The following KAT14 variants were observed in gnomAD, a reference collection of about 807,000 sequenced individuals.
The protein encoded by KAT14 is lysine acetyltransferase 14.
A neutral mutation model predicts 78.4 loss-of-function variants in KAT14; 66 were observed. The observed-to-expected ratio is 0.84, with a 90% CI of 0.69 to 1.03. KAT14 has a LOEUF of 1.03. Among genes scored for constraint, KAT14 ranks in the 50% least tolerant of loss-of-function variants. The pLI is 0.00. For missense variants in KAT14, 870 were observed against 972.5 expected (o/e 0.89, Z 1.40); for synonymous variants, 344 against 359.4 (o/e 0.96, Z 0.48).
At chr20:18,187,112 A>C (rs2039473571) in intron 10 of KAT14, among the ~76,000 whole-genome samples, 174 bp from the exon 11 acceptor site, 1 of 152,246 alleles carries the variant, frequency 6.6e-6, no homozygotes, top group Non-Finnish European at 1.5e-5. Flanking sequence ...TTTGATCAGC[A>C]GCAAAATGTC....
At chr20:18,180,687 GAA>G (rs2039215803) in intron 7 of KAT14, among the ~76,000 whole-genome samples, 1 of 152,190 alleles carries the variant, frequency 6.6e-6, no homozygotes, top group Admixed American at 6.5e-5. Flanking sequence ...GGCAGGAGGT[GAA>G]AGACACTTCT....
intron 7 of KAT14, among the ~76,000 whole-genome samples, chr20:18,173,428 T>A (rs900395697): frequency 6.6e-6 from 1 of 152,194 alleles, no homozygotes. Context: ...AGTTCTTGAT[T>A]TTTCACTTTG....
rs2039323211 is a variant in KAT14, at chr20:18,183,164, C to T, written c.1847C>T (p.Ser616Leu). 6.2e-7 allele frequency: 1 copy of T among 1,613,366 alleles called. No homozygotes were observed. Among genetic ancestry groups the T allele is most frequent in the African/African-American group, 1.3e-5 (1 of 75,006 alleles). Residue 616 changes from serine (S) to leucine (L), a missense_variant, in exon 9 of 11, where the codon TCA becomes TTA. Transcript: ENST00000688188. The stretch of plus-strand genomic sequence containing the variant: ...AAGCCACCCAAACTGCAGCTCCTGT[C>T]ACAGATTCGTTCCCACCTGCACAGG... ...ETKPPKLQLL[S>L]QIRSHLHRSD... is the part of the protein sequence containing the mutation.
intron 7 of KAT14, among the ~76,000 whole-genome samples, chr20:18,167,902 T>C (rs955361254): frequency 4.6e-5 from 7 of 152,136 alleles, no homozygotes; most frequent in Non-Finnish European, 7.4e-5. Context: ...AACAAAAAAG[T>C]ACATTTTCAT....
At chr20:18,152,637 A>G (rs2038090548) in intron 4 of KAT14, among the ~76,000 whole-genome samples, 1 of 152,238 alleles carries the variant, frequency 6.6e-6, no homozygotes, top group Non-Finnish European at 1.5e-5. Context: ...CTAGGAGGAC[A>G]AGACAGGAAA....
chr20:18,165,365 A>C (rs2038601472), intron 7 of KAT14, among the ~76,000 whole-genome samples: 1 of 152,104 alleles, frequency 6.6e-6, no homozygotes, highest in Non-Finnish European at 1.5e-5. Context: ...CATATGTTGA[A>C]GTCCCAACCC....
chr20:18,171,286 A>G (rs1394580953), intron 7 of KAT14, among the ~76,000 whole-genome samples: 1 of 152,232 alleles, frequency 6.6e-6, no homozygotes, highest in East Asian at 1.9e-4. Context: ...GAGCCTGAAG[A>G]TGTGACCGAT....
intron 7 of KAT14, among the ~76,000 whole-genome samples, chr20:18,168,003 T>G (rs1024356481): frequency 2.0e-5 from 3 of 152,214 alleles, no homozygotes; most frequent in African/African-American, 7.2e-5. Context: ...TCTTTCTAGA[T>G]TAATTTCTTG....
In KAT14 at chr20:18,142,280, G is replaced by T. The variant is rs1489958412; in HGVS notation, c.-381G>T. The stretch of plus-strand genomic sequence containing the variant: ...AAAAGAAAACATTCGTCTTTTGGGA[G>T]AACAGATTATTTTGACTGAGCAACT... On this transcript the variant is annotated 5_prime_UTR_variant, in exon 2 of 11. An upstream open reading frame in the 5' UTR gains an earlier in-frame stop. Coordinates refer to ENST00000688188, the MANE Select transcript of KAT14 (RefSeq NM_001392073.1). The T allele has an allele frequency of 5.2e-6, 8 of 1,537,058 alleles. No individual in the cohort carries two copies. The African/African-American group carries it at 9.6e-5, about 18-fold the overall frequency.
At chr20:18,138,251 TGTGC>T in intron 1 of KAT14, 200 bp downstream of exon 1, 1 of 1,236,844 alleles carries the variant, frequency 8.1e-7, no homozygotes, top group Admixed American at 4.3e-5. Context: ...CCGGCGGGCG[TGTGC>T]AGCCCGCAGA....
At chr20:18,156,332 A>T (rs566303690) in intron 4 of KAT14, among the ~76,000 whole-genome samples, 1 of 152,344 alleles carries the variant, frequency 6.6e-6, no homozygotes, top group South Asian at 2.1e-4. Context: ...ATTGTACCAT[A>T]TAAATGTACT....
In KAT14 at chr20:18,138,838, A is replaced by T. The variant is rs189316691; in HGVS notation, c.-454+787A>T. Among the ~76,000 whole-genome samples the T allele has an allele frequency of 1.6e-3, 242 of 152,292 alleles. 2 individuals are homozygous for T. Among genetic ancestry groups the T allele is most frequent in the Non-Finnish European group, 1.2e-3 (79 of 68,028 alleles). On this transcript the variant is annotated intron_variant, in intron 1 of 10. Transcript: ENST00000688188. ...GTGATTACTGTGTGGAAGCTACCTC[A>T]CTAAGCACCTTGGGAATACAAAGAT...
intron 7 of KAT14, among the ~76,000 whole-genome samples, chr20:18,180,122 G>A (rs567155376): frequency 9.2e-5 from 14 of 152,210 alleles, no homozygotes; most frequent in Admixed American, 2.6e-4. Flanking sequence ...GCCCACCTCC[G>A]TCTCCCATAG....
At chr20:18,141,200 AT>A (rs956656353) in intron 1 of KAT14, among the ~76,000 whole-genome samples, 11 of 151,796 alleles carry the variant, frequency 7.2e-5, no homozygotes, top group Admixed American at 7.2e-4. Flanking sequence ...CCTTTAGAGT[AT>A]TTTGTGAGCA....
chr20:18,158,470 G>C (rs2038300704), intron 4 of KAT14, among the ~76,000 whole-genome samples: 1 of 152,192 alleles, frequency 6.6e-6, no homozygotes, highest in Non-Finnish European at 1.5e-5. Context: ...TTCCGTTAGG[G>C]AACCCGGATA....
chr20:18,185,026 G>A (rs1180473229), intron 10 of KAT14, among the ~76,000 whole-genome samples: 1 of 152,186 alleles, frequency 6.6e-6, no homozygotes, highest in African/African-American at 2.4e-5. Context: ...ATAGAAACCA[G>A]TTTGTGAACA....
chr20:18,184,981 C>G (rs539831222), intron 10 of KAT14, among the ~76,000 whole-genome samples, 189 bp downstream of exon 10: 1 of 152,184 alleles, frequency 6.6e-6, no homozygotes, highest in African/African-American at 2.4e-5. Context: ...ATCTTCGACC[C>G]TCTAAAATAA....
At chr20:18,137,159 C>A (rs1263891784), upstream of KAT14, among the ~76,000 whole-genome samples, 2 of 152,028 alleles carry the variant, frequency 1.3e-5, no homozygotes, top group South Asian at 2.1e-4. Flanking sequence ...TGGGGCCAGG[C>A]GCGGTGGCTC....
chr20:18,184,269 G>A (rs758117466), intron 9 of KAT14, among the ~76,000 whole-genome samples: 1 of 152,072 alleles, frequency 6.6e-6, no homozygotes, highest in African/African-American at 2.4e-5. Context: ...TTGCAGAAAC[G>A]GAGTCTCTGA....
Sources: allele counts gnomAD v4.1 joint callset (sites outside exome capture counted in the v4.1 genomes callset), GRCh38; gene constraint gnomAD v4.1.1; transcripts MANE v1.5; gene names NCBI Gene and HGNC (gene_info 2026-07-23, HGNC 2026-07-21).